SUCO: variants seen among roughly 807,000 people sequenced by gnomAD.
SUCO encodes SUN domain-containing ossification factor.
SUCO carries 57 observed loss-of-function variants against 148.1 expected under a neutral mutation model. The observed-to-expected ratio is 0.38, with a 90% CI of 0.31 to 0.48. The LOEUF is 0.48. SUCO is among the 20% of genes least tolerant of loss of function. The pLI, the probability that SUCO is intolerant of heterozygous loss-of-function variation, is 0.96. For synonymous variants in SUCO, 470 were observed against 502.7 expected (o/e 0.93, Z 0.87); for missense variants, 1,331 against 1,468.2 (o/e 0.91, Z 1.53).
intron 19 of SUCO, among the ~76,000 whole-genome samples, chr1:172,598,397 C>A (rs1195700176): frequency 6.6e-6 from 1 of 152,036 alleles, no homozygotes; most frequent in Non-Finnish European, 1.5e-5. Flanking sequence ...CAATTTTATT[C>A]TTTTACAAGA....
At chr1:172,592,314 C>T (rs1033537090) in intron 19 of SUCO, among the ~76,000 whole-genome samples, 1 of 152,158 alleles carries the variant, frequency 6.6e-6, no homozygotes, top group Non-Finnish European at 1.5e-5. Flanking sequence ...GCTTTTGTTG[C>T]CATTGCTTTT....
intron 1 of SUCO, among the ~76,000 whole-genome samples, chr1:172,548,350 A>C (rs1410680140): frequency 6.6e-6 from 1 of 151,862 alleles, no homozygotes; most frequent in Non-Finnish European, 1.5e-5. Flanking sequence ...AGTTTGTCTA[A>C]TACTTTCTTC....
At chr1:172,568,209 A>G in intron 6 of SUCO, 1 of 700,962 alleles carries the variant, frequency 1.4e-6, no homozygotes, top group Non-Finnish European at 1.8e-6. Flanking sequence ...GTTGTGGACC[A>G]CTGATTTATA....
Position 172,611,752 on chromosome 1 carries a change from AT to A in SUCO, c.*1497del, listed in dbSNP as rs1468099537. On this transcript the variant is annotated 3_prime_UTR_variant, in exon 24 of 24. Transcript: ENST00000263688. ...GTGATCTGTGTGTTGTGGGAAGAGAATTTTCAATATGTAACTACGGAGCTGT... is the reference window on the plus strand; with the variant it reads ...GTGATCTGTGTGTTGTGGGAAGAGAATTTCAATATGTAACTACGGAGCTGT... The A allele has an allele frequency of 6.6e-6, 1 of 152,626 alleles. No individual in the cohort carries two copies. Among genetic ancestry groups the A allele is most frequent in the Non-Finnish European group, 1.5e-5 (1 of 68,034 alleles). 9.5% of individuals were successfully genotyped at this position (152,626 alleles called of 1,614,324 possible).
chr1:172,561,085 T>C lies in SUCO; in HGVS notation c.732+3291T>C, dbSNP rs375480340. Among the ~76,000 whole-genome samples, 3 of 152,380 alleles carry C rather than the reference T, an allele frequency of 2.0e-5. No homozygotes were observed. The East Asian group carries it at 5.8e-4, about 29-fold the overall frequency. ...GAGAAGCCACCATGTATGGTCTCCT[T>C]GCTTTCAAGTGGAATCCCATTTACC... On this transcript the variant is annotated intron_variant, in intron 6 of 23. Transcript: ENST00000263688.
chr1:172,546,861 G>A (rs1351458665), intron 1 of SUCO, among the ~76,000 whole-genome samples: 5 of 152,208 alleles, frequency 3.3e-5, no homozygotes, highest in Admixed American at 1.3e-4. Flanking sequence ...AGTGAGCTGA[G>A]ATTGCACCAC....
intron 6 of SUCO, 77 bp from the exon 7 acceptor site, chr1:172,568,942 A>G: frequency 1.5e-6 from 2 of 1,295,592 alleles, no homozygotes; most frequent in Non-Finnish European, 2.1e-6. Flanking sequence ...TTTGACAGAA[A>G]CATTTGTATT....
At chr1:172,578,458 G>A (rs1015287214) in intron 14 of SUCO, 69 bp downstream of exon 14, 21 of 1,496,076 alleles carry the variant, frequency 1.4e-5, no homozygotes, top group African/African-American at 4.2e-5. Context: ...ATAGTAATGG[G>A]GGAGTATAGC....
At chr1:172,586,025 G>C (rs1226472194) in intron 17 of SUCO, 77 bp downstream of exon 17, 1 of 905,462 alleles carries the variant, frequency 1.1e-6, no homozygotes, top group Admixed American at 2.6e-5. Flanking sequence ...AAAGGAATTT[G>C]TGATTTGTGT....
At chr1:172,567,996 C>G (rs540760850) in intron 6 of SUCO, among the ~76,000 whole-genome samples, 2 of 152,216 alleles carry the variant, frequency 1.3e-5, no homozygotes, top group South Asian at 4.1e-4. Flanking sequence ...ATTCTGCCTC[C>G]TGTCATATCA....
chr1:172,590,147 C>T (rs1299387777), intron 18 of SUCO, among the ~76,000 whole-genome samples: 2 of 152,230 alleles, frequency 1.3e-5, no homozygotes, highest in East Asian at 3.9e-4. Context: ...AGTGACAAAA[C>T]ACTTTTATTA....
At chr1:172,539,047 G>T (rs980020983) in intron 1 of SUCO, among the ~76,000 whole-genome samples, 1 of 152,114 alleles carries the variant, frequency 6.6e-6, no homozygotes, top group African/African-American at 2.4e-5. Context: ...AAAATAAAAG[G>T]TATCAGCTCT....
intron 16 of SUCO, among the ~76,000 whole-genome samples, chr1:172,585,443 T>A (rs1656170681): frequency 6.6e-6 from 1 of 152,196 alleles, no homozygotes; most frequent in Non-Finnish European, 1.5e-5. Context: ...TAGAAAGCCA[T>A]CTTTTCCTTA....
Position 172,573,990 on chromosome 1 carries a change from C to T in SUCO, c.1149C>T (p.Ile383=). 1 of 1,549,260 alleles carries T rather than the reference C, an allele frequency of 6.5e-7. No homozygotes were observed. The highest frequency in any genetic ancestry group is 8.9e-7 in the Non-Finnish European group (1 of 1,125,402). The stretch of plus-strand genomic sequence containing the variant: ...CTCCTAAAGATTTTCTGGTTTCTAT[C>T]AGTGACAGGTAAATTCTAAAGCTGT... ...SSTPKDFLVS[I]SDRYPTNKWI... is the part of the protein sequence containing the mutation. Residue 383 remains isoleucine (I), a synonymous_variant, in exon 10 of 24, where the codon ATC becomes ATT. Transcript: ENST00000263688.
chr1:172,582,533 A>T (rs780346905), intron 15 of SUCO, among the ~76,000 whole-genome samples: 22 of 152,172 alleles, frequency 1.4e-4, no homozygotes, highest in Non-Finnish European at 2.8e-4. Context: ...TCAAAAATTT[A>T]AAAGTTGACT....
At chr1:172,599,411 A>T in intron 19 of SUCO, 1 of 812,310 alleles carries the variant, frequency 1.2e-6, no homozygotes, top group Non-Finnish European at 1.5e-6. Flanking sequence ...GAATTCCCTA[A>T]AGTATGCATA....
At chr1:172,587,590 TATAA>T (rs1298487016) in intron 17 of SUCO, among the ~76,000 whole-genome samples, 1 of 152,142 alleles carries the variant, frequency 6.6e-6, no homozygotes, top group East Asian at 1.9e-4. Context: ...TATATATGGC[TATAA>T]ATATCTTTTT....
intron 1 of SUCO, among the ~76,000 whole-genome samples, chr1:172,545,875 G>A (rs767829106): frequency 6.6e-6 from 1 of 152,130 alleles, no homozygotes; most frequent in South Asian, 2.1e-4. Context: ...AGGCTGGCCT[G>A]CCTGCCTTCC....
At chr1:172,566,127 G>A (rs936044583) in intron 6 of SUCO, among the ~76,000 whole-genome samples, 7 of 152,234 alleles carry the variant, frequency 4.6e-5, no homozygotes, top group East Asian at 1.9e-4. Flanking sequence ...CCACTTGCTC[G>A]TCTGCTCAGC....
Sources: allele counts gnomAD v4.1 joint callset (sites outside exome capture counted in the v4.1 genomes callset), GRCh38; gene constraint gnomAD v4.1.1; transcripts MANE v1.5; gene names NCBI Gene and HGNC (gene_info 2026-07-23, HGNC 2026-07-21).